The following NPHS2 variants were observed in gnomAD, a reference collection of about 807,000 sequenced individuals.
The protein encoded by NPHS2 is podocin.
Under a neutral mutation model 37.1 loss-of-function variants are expected in NPHS2, and 36 were observed. The observed-to-expected ratio is 0.97, with a 90% CI of 0.74 to 1.28. The LOEUF (loss-of-function observed/expected upper bound fraction) is 1.28, where lower values mean the gene tolerates loss of function less well. NPHS2 is among the 50% of genes most tolerant of loss of function. The pLI, the probability that NPHS2 is intolerant of heterozygous loss-of-function variation, is 0.00. For synonymous variants in NPHS2, 196 were observed against 189.3 expected (o/e 1.04, Z -0.29); for missense variants, 447 against 488.1 (o/e 0.92, Z 0.79).
chr1:179,562,882 C>T (rs1192385249), intron 2 of NPHS2, among the ~76,000 whole-genome samples: 1 of 152,190 alleles, frequency 6.6e-6, no homozygotes, highest in East Asian at 1.9e-4. Flanking sequence ...AGACCTTGCT[C>T]AAATATAACT....
intron 7 of NPHS2, chr1:179,552,207 G>A: frequency 3.9e-6 from 1 of 256,200 alleles, no homozygotes; most frequent in Non-Finnish European, 7.7e-6. Flanking sequence ...CCTGATCGTG[G>A]TTGTCCCTCT....
rs41267604 is a variant in NPHS2 at position 179,559,905 on chromosome 1, G to A, written c.452-144C>T. The A allele has an allele frequency of 0.055, 34,317 of 618,788 alleles. 1,279 individuals carry two copies. The highest frequency in any genetic ancestry group is 0.092 in the Middle Eastern group (348 of 3,798). The allele number at this position is 618,788 out of a possible 1,614,324, so 38.3% of individuals were successfully genotyped here. A position where few individuals can be genotyped will look rare whatever the true frequency, so the allele number is the denominator to read the frequency against. On this transcript the variant is annotated intron_variant, in intron 3 of 7. Transcript: ENST00000367615. Reference sequence around the variant, plus strand: ...ATTGGCCCATCCCACCTCCACCTGAGGGTAAAAGGAGAGCACTATTATATA... The same window carrying A: ...ATTGGCCCATCCCACCTCCACCTGAAGGTAAAAGGAGAGCACTATTATATA...
At chr1:179,571,882 G>C (rs967565177) in intron 1 of NPHS2, among the ~76,000 whole-genome samples, 1 of 152,204 alleles carries the variant, frequency 6.6e-6, no homozygotes, top group Non-Finnish European at 1.5e-5. Flanking sequence ...AGCCAGGCAC[G>C]GGAGAGGATC....
rs1266101014 is a variant in NPHS2 at position 179,557,099 on chromosome 1, C to T, written c.666G>A (p.Met222Ile). 6.2e-7 allele frequency: 1 copy of T among 1,614,080 alleles called. No homozygotes were observed. Among genetic ancestry groups the T allele is most frequent in the East Asian group, 2.2e-5 (1 of 44,876 alleles). The change falls in exon 5 of 8, where the codon ATG becomes ATA. Residue 222 changes from methionine to isoleucine, a missense_variant. Met to Ile is a conservative substitution (Grantham distance 10). Transcript: ENST00000367615. ...GGGATCGATGTGCTAGGAGACGCTT[C>T]ATAGTGGTTTGCACAAGGAATTGCA... ...KAVQFLVQTT[M>I]KRLLAHRSLT...
chr1:179,570,663 T>G (rs1470244002), intron 1 of NPHS2, among the ~76,000 whole-genome samples: 1 of 152,228 alleles, frequency 6.6e-6, no homozygotes, highest in Non-Finnish European at 1.5e-5. Context: ...TGGGGCCAGT[T>G]TATGGCCAGA....
chr1:179,567,209 T>C (rs1006325189), intron 1 of NPHS2, among the ~76,000 whole-genome samples: 1 of 152,194 alleles, frequency 6.6e-6, no homozygotes, highest in Non-Finnish European at 1.5e-5. Flanking sequence ...CATGGAATGT[T>C]CTCCCATTTG....
intron 1 of NPHS2, among the ~76,000 whole-genome samples, chr1:179,574,727 A>G (rs1440093812): frequency 2.0e-5 from 3 of 152,210 alleles, no homozygotes; most frequent in Non-Finnish European, 2.9e-5. Context: ...ATAACACACT[A>G]TTCCTTATTT....
At chr1:179,573,627 A>G (rs1190729945) in intron 1 of NPHS2, among the ~76,000 whole-genome samples, 1 of 152,226 alleles carries the variant, frequency 6.6e-6, no homozygotes. Context: ...TTCAAGGACA[A>G]TGACTAACAG....
chr1:179,553,095 A>G (rs1050685315), intron 6 of NPHS2, among the ~76,000 whole-genome samples: 16 of 152,264 alleles, frequency 1.1e-4, no homozygotes, highest in Admixed American at 9.8e-4. Context: ...AAAGGGTACA[A>G]CTGACCAAAT....
chr1:179,558,039 G>A (rs1558345371), intron 4 of NPHS2, among the ~76,000 whole-genome samples: 1 of 151,460 alleles, frequency 6.6e-6, no homozygotes, highest in African/African-American at 2.4e-5. Flanking sequence ...ATTGGGGTGA[G>A]TTTTTTTTCC....
rs1195071747 is a variant in NPHS2, at chr1:179,561,367, G to A, written c.379-6C>T. ...CTTTCATACTCTTGTACAACCTAAAGAGAAATTTAATCCTTTCAAATCACT... is the reference window on the plus strand; with the variant it reads ...CTTTCATACTCTTGTACAACCTAAAAAGAAATTTAATCCTTTCAAATCACT... On this transcript the variant is annotated splice_region_variant and splice_polypyrimidine_tract_variant and intron_variant, in intron 2 of 7. Coordinates refer to ENST00000367615, the MANE Select transcript of NPHS2 (RefSeq NM_014625.4). 1.2e-6 allele frequency: 2 copies of A among 1,601,388 alleles called. No homozygotes were observed. The highest frequency in any genetic ancestry group is 1.7e-6 in the Non-Finnish European group (2 of 1,168,712).
At chr1:179,554,581 G>C in intron 5 of NPHS2, 50 bp from the exon 6 acceptor site, 2 of 1,612,912 alleles carry the variant, frequency 1.2e-6, no homozygotes, top group African/African-American at 2.7e-5. Flanking sequence ...GGTGGGAGGA[G>C]AGCATGCCTA....
chr1:179,571,391 C>T lies in NPHS2; in HGVS notation c.274+4200G>A, dbSNP rs185225689. ...ACCCCGTTTGCCTGGGTATCACCAG[C>T]GGAGGCTGCAGAACAGCAAATATTG... On this transcript the variant is annotated intron_variant, in intron 1 of 7. Transcript: ENST00000367615. Among the ~76,000 whole-genome samples the T allele has an allele frequency of 2.7e-4, 41 of 152,318 alleles. No individual in the cohort carries two copies. In the East Asian group the frequency reaches 7.0e-3, roughly 26 times the overall value.
chr1:179,564,530 C>T (rs1572285852), intron 2 of NPHS2, among the ~76,000 whole-genome samples, 160 bp downstream of exon 2: 1 of 152,270 alleles, frequency 6.6e-6, no homozygotes, highest in South Asian at 2.1e-4. Flanking sequence ...CACATTTGAG[C>T]AAGGTCTTGG....
chr1:179,570,877 G>A (rs1033525081), intron 1 of NPHS2, among the ~76,000 whole-genome samples: 13 of 152,088 alleles, frequency 8.5e-5, no homozygotes, highest in African/African-American at 1.9e-4. Flanking sequence ...TTGCACATGC[G>A]TCATGAAGTT....
intron 3 of NPHS2, 139 bp downstream of exon 3, chr1:179,561,150 A>C: frequency 3.9e-6 from 3 of 776,998 alleles, no homozygotes; most frequent in Non-Finnish European, 4.7e-6. Context: ...AATAACCTAT[A>C]AGTAACAGAT....
In NPHS2 at chr1:179,551,370, C is replaced by T. The variant is rs767084085; in HGVS notation, c.955G>A (p.Val319Ile). 3.7e-6 allele frequency: 6 copies of T among 1,613,948 alleles called. No individual in the cohort carries two copies. The highest frequency in any genetic ancestry group is 2.2e-5 in the East Asian group (1 of 44,882). The stretch of plus-strand genomic sequence containing the variant: ...AGGGTGTGGAGGTATCGAAGCTGAA[C>T]GGCAGCAGGGGTGCCTGACAGAATC... ...AEILSGTPAAVQLRYLHTLQS... is the reference protein window; with the variant it reads ...AEILSGTPAAIQLRYLHTLQS... The change falls in exon 8 of 8, where the codon GTT becomes ATT. Residue 319 changes from valine (V) to isoleucine (I), a missense_variant. Transcript: ENST00000367615.
intron 3 of NPHS2, among the ~76,000 whole-genome samples, chr1:179,560,948 C>G (rs909753002): frequency 2.6e-5 from 4 of 152,248 alleles, no homozygotes; most frequent in South Asian, 4.1e-4. Flanking sequence ...GGAGTGGGAA[C>G]TAGCTCAGCT....
At chr1:179,551,652 A>C in intron 7 of NPHS2, 2 of 611,364 alleles carry the variant, frequency 3.3e-6, no homozygotes, top group Non-Finnish European at 5.8e-6. Flanking sequence ...TTAAGGTGGA[A>C]TGCGTTAGGA....
Sources: allele counts gnomAD v4.1 joint callset (sites outside exome capture counted in the v4.1 genomes callset), GRCh38; gene constraint gnomAD v4.1.1; transcripts MANE v1.5; gene names NCBI Gene and HGNC (gene_info 2026-07-23, HGNC 2026-07-21).